Variants in CCDC60 observed in about 807,000 individuals in gnomAD.
CCDC60 encodes the protein coiled-coil domain containing 60, also known as coiled-coil domain-containing protein 60.
In CCDC60, 54 loss-of-function variants were observed where a neutral mutation model predicts 63.5. That is an observed-to-expected ratio of 0.85 (90% CI 0.68 to 1.07). The LOEUF (loss-of-function observed/expected upper bound fraction) is 1.07. CCDC60 is among the 50% of genes least tolerant of loss of function. CCDC60 has a pLI of 0.00. For missense variants in CCDC60, 651 were observed against 684.3 expected (o/e 0.95, Z 0.54); for synonymous variants, 206 against 238.8 (o/e 0.86, Z 1.27).
Position 119,507,567 on chromosome 12 carries a change from TA to T in CCDC60, c.883+2265del, listed in dbSNP as rs1952057704. ...ATATATATACATATATATATATATA[TA>T]TGTATATATACACATATATATACAT... On this transcript the variant is annotated intron_variant, in intron 7 of 13. Coordinates refer to ENST00000327554, the MANE Select transcript of CCDC60 (RefSeq NM_178499.5). 9.5e-4 allele frequency among the ~76,000 whole-genome samples: 60 copies of T among 62,940 alleles called. 3 individuals are homozygous for T. Among genetic ancestry groups the T allele is most frequent in the Middle Eastern group, 8.6e-3 (1 of 116 alleles). 41.3% of individuals were successfully genotyped at this position (62,940 alleles called of 152,430 possible).
intron 2 of CCDC60, among the ~76,000 whole-genome samples, chr12:119,440,646 G>A (rs912741020): frequency 6.6e-6 from 1 of 152,196 alleles, no homozygotes; most frequent in Admixed American, 6.5e-5. Flanking sequence ...ATGGAAGTTT[G>A]TGTGCAGGGG....
At chr12:119,358,440 G>A (rs985734733) in intron 1 of CCDC60, among the ~76,000 whole-genome samples, 4 of 152,140 alleles carry the variant, frequency 2.6e-5, no homozygotes, top group African/African-American at 4.8e-5. Context: ...AAGATGCCAC[G>A]CCAGCCCCTC....
At chr12:119,529,809 C>T (rs1424618991) in intron 12 of CCDC60, among the ~76,000 whole-genome samples, 2 of 152,180 alleles carry the variant, frequency 1.3e-5, no homozygotes, top group Non-Finnish European at 2.9e-5. Context: ...TATGAACTAA[C>T]TCACATAAAG....
At chr12:119,489,801 G>A (rs954115630) in intron 5 of CCDC60, among the ~76,000 whole-genome samples, 4 of 151,474 alleles carry the variant, frequency 2.6e-5, no homozygotes, top group African/African-American at 9.7e-5. Flanking sequence ...CCCAAAACCT[G>A]AGTCTTTTTT....
At chr12:119,371,762 C>T (rs543068027) in intron 1 of CCDC60, among the ~76,000 whole-genome samples, 20 of 152,294 alleles carry the variant, frequency 1.3e-4, no homozygotes, top group Admixed American at 2.0e-4. Context: ...CTTCAAGAAA[C>T]AAACCAGCTT....
At chr12:119,435,594 GT>G (rs1455689113) in intron 2 of CCDC60, among the ~76,000 whole-genome samples, 5 of 152,154 alleles carry the variant, frequency 3.3e-5, no homozygotes, top group Admixed American at 6.5e-5. Flanking sequence ...ATATTCTGAA[GT>G]TTATATTTAC....
chr12:119,414,042 G>A (rs911475467), intron 1 of CCDC60, among the ~76,000 whole-genome samples: 1 of 151,548 alleles, frequency 6.6e-6, no homozygotes, highest in African/African-American at 2.4e-5. Context: ...TTTTTTAGAT[G>A]GTATCTCACT....
chr12:119,472,465 G>A (rs1377837530), intron 3 of CCDC60, among the ~76,000 whole-genome samples: 6 of 151,742 alleles, frequency 4.0e-5, no homozygotes, highest in South Asian at 2.1e-4. Flanking sequence ...CCCATAATAC[G>A]TGTTTATATG....
At chr12:119,464,562 C>T (rs1391790272) in intron 2 of CCDC60, among the ~76,000 whole-genome samples, 6 of 152,090 alleles carry the variant, frequency 3.9e-5, no homozygotes, top group African/African-American at 9.7e-5. Flanking sequence ...AGGGAACCCC[C>T]GAAAAACCTT....
intron 1 of CCDC60, among the ~76,000 whole-genome samples, chr12:119,391,702 C>CT (rs1956162313): frequency 6.6e-6 from 1 of 152,244 alleles, no homozygotes; most frequent in Non-Finnish European, 1.5e-5. Flanking sequence ...GCTGTTATTA[C>CT]TGTTGTTGTT....
At chr12:119,511,923 A>G (rs1421515315) in intron 7 of CCDC60, among the ~76,000 whole-genome samples, 2 of 152,188 alleles carry the variant, frequency 1.3e-5, no homozygotes, top group Non-Finnish European at 2.9e-5. Context: ...AGATTCTAGG[A>G]TCTGTGGCTC....
intron 2 of CCDC60, among the ~76,000 whole-genome samples, chr12:119,455,931 AAGAGAAAG>A (rs1157757124): frequency 1.2e-5 from 1 of 81,118 alleles, no homozygotes; most frequent in African/African-American, 5.4e-5. Context: ...GAAAGAAAGA[AAGAGAAAG>A]AGAGAGAAAG....
At chr12:119,447,125 A>G (rs7968484) in intron 2 of CCDC60, among the ~76,000 whole-genome samples, 41,929 of 152,068 alleles carry the variant, frequency 0.28, 6,101 homozygotes, top group African/African-American at 0.38. Flanking sequence ...GGTCCTGGAA[A>G]GAGGTTTTAC....
At chr12:119,482,105 T>C (rs1353693588) in intron 4 of CCDC60, among the ~76,000 whole-genome samples, 1 of 146,064 alleles carries the variant, frequency 6.8e-6, no homozygotes, top group Non-Finnish European at 1.5e-5. Flanking sequence ...TATACACATA[T>C]ATACACACAT....
At chr12:119,526,477 C>G (rs182966006) in intron 11 of CCDC60, among the ~76,000 whole-genome samples, 5 of 152,286 alleles carry the variant, frequency 3.3e-5, no homozygotes, top group Admixed American at 3.3e-4. Flanking sequence ...TAAACTGACA[C>G]CCCACAGAAT....
At chr12:119,345,905 C>T (rs569141207) in intron 1 of CCDC60, among the ~76,000 whole-genome samples, 2 of 152,068 alleles carry the variant, frequency 1.3e-5, no homozygotes, top group East Asian at 3.9e-4. Flanking sequence ...TCAATCTCCA[C>T]CTCCCGGGTT....
At chr12:119,419,187 C>G (rs1184303643) in intron 1 of CCDC60, among the ~76,000 whole-genome samples, 1 of 152,258 alleles carries the variant, frequency 6.6e-6, no homozygotes, top group Non-Finnish European at 1.5e-5. Flanking sequence ...TCCTCCTTTT[C>G]TCTTTCATGG....
At chr12:119,450,572 T>G (rs1012962672) in intron 2 of CCDC60, among the ~76,000 whole-genome samples, 2 of 151,938 alleles carry the variant, frequency 1.3e-5, no homozygotes, top group African/African-American at 4.8e-5. Flanking sequence ...GTTAAAGACA[T>G]GAGAGGCCGG....
Position 119,387,032 on chromosome 12 carries a change from TCTCACACACA to T in CCDC60, c.91-41649_91-41640del, listed in dbSNP as rs56907905. Among the ~76,000 whole-genome samples the T allele has an allele frequency of 2.3e-3, 271 of 120,266 alleles. 2 individuals carry two copies. The highest frequency in any genetic ancestry group is 8.6e-3 in the African/African-American group (246 of 28,496). 78.9% of individuals were successfully genotyped at this position (120,266 alleles called of 152,430 possible). A position where few individuals can be genotyped will look rare whatever the true frequency, so the allele number is the denominator to read the frequency against. ...CTCTCCCTCCCTCCCCCTCTGTCTC[TCTCACACACA>T]CACACACACACACACACACACACAC... On this transcript the variant is annotated intron_variant, in intron 1 of 13. Coordinates refer to ENST00000327554, the MANE Select transcript of CCDC60 (RefSeq NM_178499.5).
Sources: gnomAD v4.1 joint callset for allele counts (sites outside exome capture counted in the v4.1 genomes callset) on GRCh38, gnomAD v4.1.1 for gene constraint, MANE v1.5 for transcripts, NCBI Gene and HGNC (gene_info 2026-07-23, HGNC 2026-07-21) for gene names.